Variants in OPCML observed in about 807,000 individuals in gnomAD.
OPCML encodes opioid binding protein/cell adhesion molecule like, also known as opioid-binding protein/cell adhesion molecule.
A neutral mutation model predicts 37.8 loss-of-function variants in OPCML; 13 were observed. That is an observed-to-expected ratio of 0.34 (90% CI 0.22 to 0.55). The LOEUF (loss-of-function observed/expected upper bound fraction) is 0.55. Among genes scored for constraint, OPCML ranks in the 20% least tolerant of loss-of-function variants. OPCML has a pLI of 0.91. For synonymous variants in OPCML, 176 were observed against 168.8 expected, an observed-to-expected ratio of 1.04 and a Z score of -0.33; for missense variants, 341 against 435.6, an observed-to-expected ratio of 0.78 and a Z score of 1.93.
At chr11:132,663,252 T>A (rs1210593021) in intron 2 of OPCML, among the ~76,000 whole-genome samples, 1 of 152,170 alleles carries the variant, frequency 6.6e-6, no homozygotes, top group East Asian at 1.9e-4. Flanking sequence ...AGCTAGTAGG[T>A]CATCAATACA....
Position 132,638,897 on chromosome 11 carries a change from C to T in OPCML, c.379+18190G>A, listed in dbSNP as rs527403726. ...TCCAGTTCTTTGCTGTGGCCAGCCTCGCGTCAATTAAACTCTTTCTCTACT... is the reference window on the plus strand; with the variant it reads ...TCCAGTTCTTTGCTGTGGCCAGCCTTGCGTCAATTAAACTCTTTCTCTACT... On this transcript the variant is annotated intron_variant, in intron 3 of 7. Transcript: ENST00000524381. Among the ~76,000 whole-genome samples the T allele has an allele frequency of 1.0e-3, 159 of 152,268 alleles. 1 individual carries two copies. Among genetic ancestry groups the T allele is most frequent in the Non-Finnish European group, 1.8e-3 (124 of 68,030 alleles).
chr11:133,156,091 TC>T (rs1258245165), intron 1 of OPCML, among the ~76,000 whole-genome samples: 1 of 152,184 alleles, frequency 6.6e-6, no homozygotes, highest in Non-Finnish European at 1.5e-5. Context: ...GCTAATCAGA[TC>T]TTATCACTCC....
chr11:133,031,576 G>C (rs1274499898), intron 1 of OPCML, among the ~76,000 whole-genome samples: 1 of 151,548 alleles, frequency 6.6e-6, no homozygotes, highest in Non-Finnish European at 1.5e-5. Context: ...ATGGGTAGAT[G>C]GGTGAATGGA....
chr11:132,449,783 C>T (rs1007209865), intron 4 of OPCML, among the ~76,000 whole-genome samples: 3 of 152,212 alleles, frequency 2.0e-5, no homozygotes, highest in African/African-American at 7.2e-5. Context: ...TTCATCCAGC[C>T]TCGGTTTCTT....
intron 3 of OPCML, among the ~76,000 whole-genome samples, chr11:132,557,382 C>T (rs552591581): frequency 6.6e-6 from 1 of 152,172 alleles, no homozygotes; most frequent in Non-Finnish European, 1.5e-5. Context: ...GATATTACGA[C>T]TTGGTTTTCT....
At chr11:133,351,917 CT>C (rs1032447998) in intron 1 of OPCML, among the ~76,000 whole-genome samples, 7 of 152,162 alleles carry the variant, frequency 4.6e-5, no homozygotes, top group African/African-American at 1.7e-4. Context: ...AGCATCTTGA[CT>C]TTTTCTGTTT....
chr11:133,258,774 C>T (rs1294951377), intron 1 of OPCML, among the ~76,000 whole-genome samples: 1 of 152,058 alleles, frequency 6.6e-6, no homozygotes, highest in East Asian at 1.9e-4. Flanking sequence ...CCCAGCTACC[C>T]CCAGCACTGC....
intron 4 of OPCML, among the ~76,000 whole-genome samples, chr11:132,439,250 G>A (rs2096023665): frequency 6.6e-6 from 1 of 152,148 alleles, no homozygotes. Context: ...AAGAAATGGG[G>A]TCTGAAATAG....
intron 4 of OPCML, among the ~76,000 whole-genome samples, chr11:132,442,209 A>AT (rs2136783931): frequency 6.6e-6 from 1 of 152,294 alleles, no homozygotes; most frequent in African/African-American, 2.4e-5. Context: ...CTTAGGCTCA[A>AT]TTTTTTAGTT....
At chr11:133,519,790 G>A (rs1948361890) in intron 1 of OPCML, among the ~76,000 whole-genome samples, 1 of 152,168 alleles carries the variant, frequency 6.6e-6, no homozygotes, top group Non-Finnish European at 1.5e-5. Context: ...ACAGGCACGT[G>A]TGCCTGCCAG....
chr11:133,153,786 A>G (rs1950019783), intron 1 of OPCML, among the ~76,000 whole-genome samples: 1 of 84,624 alleles, frequency 1.2e-5, no homozygotes, highest in African/African-American at 1.1e-4. Flanking sequence ...GTGCTATAGA[A>G]TAGACTGCCC....
At chr11:133,050,604 C>T (rs1432422394) in intron 1 of OPCML, among the ~76,000 whole-genome samples, 2 of 152,130 alleles carry the variant, frequency 1.3e-5, no homozygotes, top group African/African-American at 2.4e-5. Context: ...CCATGTCCTA[C>T]CACTCAGAAC....
At position 132,593,887 on chromosome 11, in the gene OPCML, G is replaced by C. The variant is rs145308951; in HGVS notation, c.379+63200C>G. 8.6e-4 allele frequency among the ~76,000 whole-genome samples: 131 copies of C among 152,270 alleles called. 1 individual carries two copies. The East Asian group carries it at 0.025, about 28-fold the overall frequency. Reference sequence around the variant, plus strand: ...TACAGGAAAAAATGATGATCATAATGATGAACATTTTAAGAGGATTTGAGA... The same window carrying C: ...TACAGGAAAAAATGATGATCATAATCATGAACATTTTAAGAGGATTTGAGA... On this transcript the variant is annotated intron_variant, in intron 3 of 7. Transcript: ENST00000524381.
At chr11:133,026,153 G>A (rs550272964) in intron 1 of OPCML, 43 of 930,844 alleles carry the variant, frequency 4.6e-5, no homozygotes, top group Admixed American at 6.2e-5. Flanking sequence ...ACCCATCTGA[G>A]TAATTTTTGT....
chr11:133,337,110 A>C (rs1943760412), intron 1 of OPCML, among the ~76,000 whole-genome samples: 1 of 152,234 alleles, frequency 6.6e-6, no homozygotes, highest in African/African-American at 2.4e-5. Flanking sequence ...GTTTTATGAC[A>C]GTAAAAATAG....
intron 3 of OPCML, among the ~76,000 whole-genome samples, chr11:132,650,723 C>G (rs184624758): frequency 5.9e-5 from 9 of 152,262 alleles, no homozygotes; most frequent in African/African-American, 1.9e-4. Flanking sequence ...CTTGGAGATG[C>G]AGGCCTGCAC....
chr11:132,707,821 A>G (rs984563623), intron 2 of OPCML, among the ~76,000 whole-genome samples: 19 of 152,342 alleles, frequency 1.2e-4, no homozygotes, highest in African/African-American at 4.6e-4. Context: ...TAAGAGTAAT[A>G]TCAATGAACA....
chr11:132,959,855 T>C (rs746423126), intron 1 of OPCML, among the ~76,000 whole-genome samples: 1 of 152,186 alleles, frequency 6.6e-6, no homozygotes, highest in African/African-American at 2.4e-5. Context: ...ATCTCACACA[T>C]AGTAATCTCA....
intron 1 of OPCML, among the ~76,000 whole-genome samples, chr11:133,270,137 T>G (rs1941784262): frequency 6.6e-6 from 1 of 152,222 alleles, no homozygotes; most frequent in Non-Finnish European, 1.5e-5. Context: ...ACTCTGTTAA[T>G]TTTTATGTTT....
Sources: allele counts gnomAD v4.1 joint callset (sites outside exome capture counted in the v4.1 genomes callset), GRCh38; gene constraint gnomAD v4.1.1; transcripts MANE v1.5; gene names NCBI Gene and HGNC (gene_info 2026-07-23, HGNC 2026-07-21).